The following C11orf54 variants were observed in gnomAD, a reference collection of about 807,000 sequenced individuals.
C11orf54 encodes beta-keto-L-gulonate decarboxylase, also known as beta-keto L-gulonate decarboxylase.
A neutral mutation model predicts 35.5 loss-of-function variants in C11orf54; 29 were observed. The observed-to-expected ratio is 0.82, with a 90% confidence interval of 0.61 to 1.11. C11orf54 has a LOEUF of 1.11. Among genes scored for constraint, C11orf54 ranks in the 50% most tolerant of loss-of-function variants. The pLI is 0.00. For synonymous variants in C11orf54, 108 were observed against 121.1 expected, an observed-to-expected ratio of 0.89 and a Z score of 0.71; for missense variants, 373 against 369.2, an observed-to-expected ratio of 1.01 and a Z score of -0.08.
In C11orf54 at chr11:93,753,992, T is replaced by G. The variant is rs1942987195; in HGVS notation, c.285T>G (p.Leu95=). 1 of 1,614,042 alleles carries G rather than the reference T, an allele frequency of 6.2e-7. No homozygotes were observed. The highest frequency in any genetic ancestry group is 1.3e-5 in the African/African-American group (1 of 74,952). ...TCAAGCTGCCTGGAGCCTTTATTCTTGGAGCAGGAGCAGGTCCATTTCAGA... is the reference window on the plus strand; with the variant it reads ...TCAAGCTGCCTGGAGCCTTTATTCTGGGAGCAGGAGCAGGTCCATTTCAGA... ...KEIKLPGAFI[L]GAGAGPFQTL... The change falls in exon 5 of 9, where the codon CTT becomes CTG. Residue 95 remains leucine, a synonymous_variant. Coordinates refer to ENST00000354421, the MANE Select transcript of C11orf54 (RefSeq NM_001286069.2).
chr11:93,757,780 C>T (rs1943232442), intron 7 of C11orf54, among the ~76,000 whole-genome samples: 1 of 152,134 alleles, frequency 6.6e-6, no homozygotes, highest in Non-Finnish European at 1.5e-5. Flanking sequence ...CCACCTGTCT[C>T]GGCCTCCCAA....
At chr11:93,761,351 A>G (rs1206548088) in intron 8 of C11orf54, among the ~76,000 whole-genome samples, 164 bp from the exon 9 acceptor site, 1 of 152,238 alleles carries the variant, frequency 6.6e-6, no homozygotes, top group Non-Finnish European at 1.5e-5. Flanking sequence ...AGAGAAGAAG[A>G]TACATTTTAC....
At chr11:93,749,417 G>A (rs1382260695) in intron 2 of C11orf54, among the ~76,000 whole-genome samples, 1 of 147,622 alleles carries the variant, frequency 6.8e-6, no homozygotes, top group African/African-American at 2.5e-5. Flanking sequence ...GGAGATCAAG[G>A]CTGAGTGAGC....
chr11:93,757,207 C>G (rs1175503131), intron 6 of C11orf54, 109 bp from the exon 7 acceptor site: 1 of 1,250,122 alleles, frequency 8.0e-7, no homozygotes, highest in Admixed American at 2.7e-5. Flanking sequence ...TCTGGGGGCT[C>G]TAAGCAAAGA....
intron 1 of C11orf54, among the ~76,000 whole-genome samples, chr11:93,745,678 G>A (rs888428271): frequency 6.6e-6 from 1 of 152,142 alleles, no homozygotes; most frequent in African/African-American, 2.4e-5. Context: ...AATAATTTAA[G>A]TATGATTATA....
Position 93,747,462 on chromosome 11 carries a change from T to C in C11orf54, c.55+14T>C, listed in dbSNP as rs764854235. On this transcript the variant is annotated intron_variant, in intron 2 of 8. Transcript: ENST00000354421. ...AGCTTGCTGGAGGTAAAAACAATAT[T>C]AACTTTGGATTTTTAAAAATTATCC... The C allele has an allele frequency of 1.3e-6, 2 of 1,576,278 alleles. No homozygotes were observed. Among genetic ancestry groups the C allele is most frequent in the South Asian group, 2.3e-5 (2 of 85,344 alleles).
chr11:93,760,732 C>T (rs1230519392), intron 8 of C11orf54, among the ~76,000 whole-genome samples: 1 of 152,022 alleles, frequency 6.6e-6, no homozygotes, highest in African/African-American at 2.4e-5. Context: ...AATCTCGGCT[C>T]ACTGCAACCT....
At chr11:93,758,347 A>G (rs533620009) in intron 7 of C11orf54, among the ~76,000 whole-genome samples, 4 of 152,154 alleles carry the variant, frequency 2.6e-5, no homozygotes, top group Non-Finnish European at 5.9e-5. Flanking sequence ...GAGAGCCCCA[A>G]CTGCCCAGGC....
At chr11:93,756,801 CAGTTTTGGA>C (rs1943181401) in intron 6 of C11orf54, among the ~76,000 whole-genome samples, 1 of 152,072 alleles carries the variant, frequency 6.6e-6, no homozygotes. Flanking sequence ...GAAGACTCTC[CAGTTTTGGA>C]AGTAGAGATA....
Position 93,761,590 on chromosome 11 carries a change from A to G in C11orf54, c.850A>G (p.Thr284Ala). 6.2e-7 allele frequency: 1 copy of G among 1,613,358 alleles called. No individual in the cohort carries two copies. Among genetic ancestry groups the G allele is most frequent in the Non-Finnish European group, 8.5e-7 (1 of 1,179,650 alleles). Reference protein sequence around the residue: ...GEGGHYHYDTTPDIVEYLGYF... With the variant: ...GEGGHYHYDTAPDIVEYLGYF... Reference sequence around the variant, plus strand: ...AGGTGGACACTACCATTATGACACTACTCCAGATATAGTGGAATATCTTGG... The same window carrying G: ...AGGTGGACACTACCATTATGACACTGCTCCAGATATAGTGGAATATCTTGG... Residue 284 changes from threonine (T) to alanine (A), a missense_variant, in exon 9 of 9, where the codon ACT becomes GCT. Thr to Ala is a moderately conservative substitution (Grantham distance 58, BLOSUM62 0). Transcript: ENST00000354421.
intron 3 of C11orf54, among the ~76,000 whole-genome samples, chr11:93,753,443 CTTGCCTTGTA>C (rs1346680167): frequency 6.6e-6 from 1 of 152,194 alleles, no homozygotes; most frequent in East Asian, 1.9e-4. Flanking sequence ...AACCCTTGCC[CTTGCCTTGTA>C]TTGCCTTTAT....
At chr11:93,750,809 C>G (rs1411984260) in intron 3 of C11orf54, among the ~76,000 whole-genome samples, 3 of 152,148 alleles carry the variant, frequency 2.0e-5, no homozygotes, top group African/African-American at 7.2e-5. Context: ...TCCTAAAAGC[C>G]TTGTATTTGA....
intron 5 of C11orf54, 188 bp from the exon 6 acceptor site, chr11:93,755,022 C>T (rs1943057027): frequency 9.1e-6 from 5 of 550,158 alleles, no homozygotes; most frequent in South Asian, 2.4e-5. Flanking sequence ...CAGGCATGAG[C>T]CACAGCGCCC....
chr11:93,748,180 C>G (rs571187490), intron 2 of C11orf54, among the ~76,000 whole-genome samples: 67 of 151,992 alleles, frequency 4.4e-4, no homozygotes, highest in African/African-American at 1.4e-3. Context: ...TTTGTTGTAA[C>G]TTTCCTCTTA....
chr11:93,741,795 G>C, intron 1 of C11orf54, 67 bp downstream of exon 1: 1 of 270,016 alleles, frequency 3.7e-6, no homozygotes, highest in South Asian at 3.2e-5. Context: ...CTTGTGAGTG[G>C]ATGAGAACTG....
Position 93,763,579 on chromosome 11 carries a change from C to T in C11orf54, c.*1891C>T, listed in dbSNP as rs1365492046. 6.6e-6 allele frequency: 1 copy of T among 151,868 alleles called. No homozygotes were observed. Among genetic ancestry groups the T allele is most frequent in the Non-Finnish European group, 1.5e-5 (1 of 68,038 alleles). 9.4% of individuals were successfully genotyped at this position (151,868 alleles called of 1,614,324 possible). On this transcript the variant is annotated 3_prime_UTR_variant, in exon 9 of 9. Coordinates refer to ENST00000354421, the MANE Select transcript of C11orf54 (RefSeq NM_001286069.2). ...GGGCAACAGAGAGAGACCCCCATCTCTGCAAAAAAAGAAAAAAAATTTTTT... is the reference window on the plus strand; with the variant it reads ...GGGCAACAGAGAGAGACCCCCATCTTTGCAAAAAAAGAAAAAAAATTTTTT...
At chr11:93,750,852 T>G (rs1420765277) in intron 3 of C11orf54, among the ~76,000 whole-genome samples, 1 of 152,236 alleles carries the variant, frequency 6.6e-6, no homozygotes, top group East Asian at 1.9e-4. Flanking sequence ...TCAACAAATT[T>G]GCCAAGTGAG....
intron 7 of C11orf54, 62 bp downstream of exon 7, chr11:93,757,527 C>T (rs1943219141): frequency 4.7e-6 from 7 of 1,482,132 alleles, no homozygotes; most frequent in Non-Finnish European, 6.3e-6. Flanking sequence ...TACTTAAGAT[C>T]TTAGGATTTT....
Position 93,761,887 on chromosome 11 carries a change from T to G in C11orf54, c.*199T>G, listed in dbSNP as rs1022497156. 5.1e-6 allele frequency: 2 copies of G among 391,922 alleles called. No homozygotes were observed. The highest frequency in any genetic ancestry group is 4.1e-5 in the African/African-American group (2 of 48,270). 24.3% of individuals were successfully genotyped at this position (391,922 alleles called of 1,614,324 possible). On this transcript the variant is annotated 3_prime_UTR_variant, in exon 9 of 9. Transcript: ENST00000354421. ...GAGTTTGAGACCAGCTTGGGCAACA[T>G]AGCAAGACCCTGTCTATTTTTTTAA... is the stretch of plus-strand genomic sequence containing the variant.
Sources: gnomAD v4.1 joint callset for allele counts (sites outside exome capture counted in the v4.1 genomes callset) on GRCh38, gnomAD v4.1.1 for gene constraint, MANE v1.5 for transcripts, NCBI Gene and HGNC (gene_info 2026-07-23, HGNC 2026-07-21) for gene names.